Variants in SNTG2 observed in about 807,000 individuals in gnomAD.
SNTG2 encodes the protein gamma-2-syntrophin.
Under a neutral mutation model 70.9 loss-of-function variants are expected in SNTG2, and 74 were observed. The ratio of observed to expected loss-of-function variants is 1.04; its 90% CI spans 0.86 to 1.27. The LOEUF (loss-of-function observed/expected upper bound fraction) is 1.27. Ranked by LOEUF, SNTG2 falls within the 50% of genes most tolerant of loss-of-function variation. The probability of loss-of-function intolerance (pLI) is 0.00; values close to 1 mark genes in which losing one functional copy is unlikely to be tolerated. For missense variants in SNTG2, 717 were observed against 690.7 expected (o/e 1.04, Z -0.43); for synonymous variants, 278 against 273.8 (o/e 1.02, Z -0.15).
intron 4 of SNTG2, among the ~76,000 whole-genome samples, chr2:1,105,982 T>C (rs375515771): frequency 9.8e-4 from 148 of 151,380 alleles, no homozygotes; most frequent in African/African-American, 3.3e-3. Flanking sequence ...CACACTGTCA[T>C]TGGGGTGCAG....
At chr2:1,360,860 T>C (rs1661102027) in intron 16 of SNTG2, among the ~76,000 whole-genome samples, 1 of 152,212 alleles carries the variant, frequency 6.6e-6, no homozygotes, top group South Asian at 2.1e-4. Flanking sequence ...TGGCCTACCA[T>C]TGGAGCCTGA....
At chr2:1,029,648 C>T (rs757178300) in intron 1 of SNTG2, among the ~76,000 whole-genome samples, 56 of 152,294 alleles carry the variant, frequency 3.7e-4, no homozygotes, top group African/African-American at 8.7e-4. Flanking sequence ...GTTCTGGTCC[C>T]GTCTCATTCC....
chr2:1,292,843 G>A (rs1171879492), intron 14 of SNTG2, among the ~76,000 whole-genome samples: 1 of 152,188 alleles, frequency 6.6e-6, no homozygotes, highest in Non-Finnish European at 1.5e-5. Context: ...TTGGTATCAA[G>A]GTAACACTGA....
At chr2:1,123,972 TG>T (rs1249281010) in intron 4 of SNTG2, among the ~76,000 whole-genome samples, 1 of 152,144 alleles carries the variant, frequency 6.6e-6, no homozygotes, top group Admixed American at 6.5e-5. Context: ...TCACAGAAGC[TG>T]GGGATTGGAG....
At chr2:1,305,231 C>T (rs1222353109) in intron 14 of SNTG2, among the ~76,000 whole-genome samples, 1 of 152,222 alleles carries the variant, frequency 6.6e-6, no homozygotes, top group Admixed American at 6.5e-5. Flanking sequence ...GTAAGTTGTT[C>T]CTGCAGCCTC....
chr2:1,223,437 G>A (rs554314435), intron 9 of SNTG2, among the ~76,000 whole-genome samples: 26 of 152,172 alleles, frequency 1.7e-4, no homozygotes, highest in Admixed American at 3.3e-4. Flanking sequence ...CCTGCAGCCC[G>A]GGCACTGATC....
In SNTG2 at chr2:1,005,879, G is replaced by T. The variant is rs1362410450; in HGVS notation, c.72+54811G>T. Among the ~76,000 whole-genome samples, 7 of 81,250 alleles carry T rather than the reference G, an allele frequency of 8.6e-5. No homozygotes were observed. The East Asian group carries it at 1.3e-3, about 15-fold the overall frequency. 53.3% of individuals were successfully genotyped at this position (81,250 alleles called of 152,430 possible). A position where few individuals can be genotyped will look rare whatever the true frequency, so the allele number is the denominator to read the frequency against. Reference sequence around the variant, plus strand: ...TATATATATATATATATATATAAACGTTGACATTGCTCTTGAGACTTTATT... The same window carrying T: ...TATATATATATATATATATATAAACTTTGACATTGCTCTTGAGACTTTATT... On this transcript the variant is annotated intron_variant, in intron 1 of 16. Transcript: ENST00000308624.
Position 1,245,878 on chromosome 2 carries a change from G to A in SNTG2, c.889-1449G>A, listed in dbSNP as rs375263965. 2.2e-4 allele frequency among the ~76,000 whole-genome samples: 34 copies of A among 152,202 alleles called. No homozygotes were observed. In the East Asian group the frequency reaches 3.5e-3, roughly 16 times the overall value. ...TCCTATGGGACACTGTGAAATTCCCGTAATTCTCACGTGAGATCTAGAATT... is the reference window on the plus strand; with the variant it reads ...TCCTATGGGACACTGTGAAATTCCCATAATTCTCACGTGAGATCTAGAATT... On this transcript the variant is annotated intron_variant, in intron 11 of 16. Coordinates refer to ENST00000308624, the MANE Select transcript of SNTG2 (RefSeq NM_018968.4).
chr2:1,224,691 T>C lies in SNTG2; in HGVS notation c.720-13197T>C, dbSNP rs1675646939. On this transcript the variant is annotated intron_variant, in intron 9 of 16. Coordinates refer to ENST00000308624, the MANE Select transcript of SNTG2 (RefSeq NM_018968.4). Reference sequence around the variant, plus strand: ...TCAGTCTTATCTGGAAACGCAAAACTATCCTCCTGGCTGAATGGTTTCCTG... The same window carrying C: ...TCAGTCTTATCTGGAAACGCAAAACCATCCTCCTGGCTGAATGGTTTCCTG... Among the ~76,000 whole-genome samples the C allele has an allele frequency of 2.0e-5, 3 of 152,352 alleles. No individual in the cohort carries two copies. The South Asian group carries it at 6.2e-4, about 32-fold the overall frequency.
chr2:1,220,255 A>G (rs1674663966), intron 9 of SNTG2, among the ~76,000 whole-genome samples: 1 of 152,262 alleles, frequency 6.6e-6, no homozygotes, highest in Admixed American at 6.5e-5. Flanking sequence ...AGGAAGGGCC[A>G]GGAGATCAGG....
intron 14 of SNTG2, among the ~76,000 whole-genome samples, chr2:1,293,718 A>G (rs1327812619): frequency 6.6e-6 from 1 of 152,102 alleles, no homozygotes; most frequent in Admixed American, 6.5e-5. Flanking sequence ...AAGATAATTG[A>G]TAGAATTTTA....
intron 8 of SNTG2, among the ~76,000 whole-genome samples, chr2:1,175,992 G>A (rs1382983051): frequency 1.3e-5 from 2 of 152,200 alleles, no homozygotes; most frequent in Non-Finnish European, 1.5e-5. Context: ...TCAGGCTTTG[G>A]TGGATGTGAT....
In SNTG2 at chr2:1,196,726, T is replaced by C. The variant is rs375305128; in HGVS notation, c.592-12377T>C. 2.0e-5 allele frequency among the ~76,000 whole-genome samples: 3 copies of C among 152,174 alleles called. No homozygotes were observed. In the East Asian group the frequency reaches 5.8e-4, roughly 29 times the overall value. The stretch of plus-strand genomic sequence containing the variant: ...GGCTGGGAGAAAATGAGATGATACA[T>C]TCAAAGTACTAAAAGAAAAAAAACA... On this transcript the variant is annotated intron_variant, in intron 8 of 16. Transcript: ENST00000308624.
intron 1 of SNTG2, among the ~76,000 whole-genome samples, chr2:996,963 A>G (rs907227300): frequency 2.6e-5 from 4 of 152,022 alleles, no homozygotes; most frequent in Admixed American, 1.3e-4. Context: ...TGTTTTGCCA[A>G]TACTAGTACC....
intron 9 of SNTG2, among the ~76,000 whole-genome samples, chr2:1,231,947 A>G (rs914184059): frequency 2.6e-5 from 4 of 152,154 alleles, no homozygotes; most frequent in Admixed American, 6.5e-5. Context: ...TGATGGCTCC[A>G]CGGCAAGATG....
At chr2:1,072,332 C>CTTTT (rs1242829771) in intron 1 of SNTG2, among the ~76,000 whole-genome samples, 2 of 100,380 alleles carry the variant, frequency 2.0e-5, no homozygotes, top group Non-Finnish European at 3.9e-5. Flanking sequence ...TTTTCTTTTT[C>CTTTT]TTTTCTTTTT....
At chr2:1,229,176 G>A (rs1023995769) in intron 9 of SNTG2, among the ~76,000 whole-genome samples, 2 of 152,166 alleles carry the variant, frequency 1.3e-5, no homozygotes, top group Non-Finnish European at 2.9e-5. Flanking sequence ...TGGGCAGCCT[G>A]CTTTTATTCT....
intron 1 of SNTG2, among the ~76,000 whole-genome samples, chr2:987,848 T>C (rs1661373729): frequency 6.6e-6 from 1 of 152,094 alleles, no homozygotes; most frequent in Admixed American, 6.5e-5. Context: ...GTTCTGGAGA[T>C]GTGGAAGGAA....
chr2:1,110,305 T>TGGGCCTCCACCTGTATTTTA (rs1280916613), intron 4 of SNTG2, among the ~76,000 whole-genome samples: 1 of 152,208 alleles, frequency 6.6e-6, no homozygotes, highest in African/African-American at 2.4e-5. Flanking sequence ...CACCATGACA[T>TGGGCCTCCACCTGTATTTTA]GGGCCTCCAC....
Sources: allele counts gnomAD v4.1 joint callset (sites outside exome capture counted in the v4.1 genomes callset), GRCh38; gene constraint gnomAD v4.1.1; transcripts MANE v1.5; gene names NCBI Gene and HGNC (gene_info 2026-07-23, HGNC 2026-07-21).